SH3PXD2A: variants seen among roughly 807,000 people sequenced by gnomAD.
The protein encoded by SH3PXD2A is SH3 and PX domains 2A.
In SH3PXD2A, 32 loss-of-function variants were observed where a neutral mutation model predicts 115.2. The observed-to-expected ratio is 0.28, with a 90% CI of 0.21 to 0.37. The LOEUF is 0.37. Ranked by LOEUF, SH3PXD2A falls within the 10% of genes least tolerant of loss-of-function variation. SH3PXD2A has a pLI of 1.00. For missense variants in SH3PXD2A, 1,328 were observed against 1,498.7 expected (o/e 0.89, Z 1.88); for synonymous variants, 610 against 629.1 (o/e 0.97, Z 0.45).
At chr10:103,833,957 C>T (rs1167083461) in intron 1 of SH3PXD2A, among the ~76,000 whole-genome samples, 1 of 152,176 alleles carries the variant, frequency 6.6e-6, no homozygotes, top group East Asian at 1.9e-4. Flanking sequence ...CTCCCCCTCC[C>T]GGAAAGAGAG....
chr10:103,594,027 T>G lies in SH3PXD2A; in HGVS notation c.*7789A>C, dbSNP rs1433766178. On this transcript the variant is annotated 3_prime_UTR_variant, in exon 15 of 15. Transcript: ENST00000369774. ...CAGGGAGAATTAAGAGGTGATTCCGTTCGGTTAAAAAGGCCCAAAACTTTA... is the reference window on the plus strand; with the variant it reads ...CAGGGAGAATTAAGAGGTGATTCCGGTCGGTTAAAAAGGCCCAAAACTTTA... The G allele has an allele frequency of 6.6e-6, 1 of 152,524 alleles. No homozygotes were observed. The highest frequency in any genetic ancestry group is 1.5e-5 in the Non-Finnish European group (1 of 68,034). The allele number at this position is 152,524 out of a possible 1,614,324, so 9.4% of individuals were successfully genotyped here.
chr10:103,816,997 ATTTTTTTT>A (rs56260224), intron 1 of SH3PXD2A, among the ~76,000 whole-genome samples: 2 of 99,606 alleles, frequency 2.0e-5, no homozygotes, highest in South Asian at 4.0e-4. Flanking sequence ...CACCCGGCTA[ATTTTTTTT>A]TTTTTTTTTT....
chr10:103,829,222 C>T (rs1481639535), intron 1 of SH3PXD2A, among the ~76,000 whole-genome samples: 3 of 152,198 alleles, frequency 2.0e-5, no homozygotes, highest in Non-Finnish European at 4.4e-5. Flanking sequence ...GGGAGGCCAG[C>T]CCTGCAGACA....
At chr10:103,680,488 G>A (rs989933790) in intron 6 of SH3PXD2A, among the ~76,000 whole-genome samples, 1 of 151,648 alleles carries the variant, frequency 6.6e-6, no homozygotes, top group African/African-American at 2.4e-5. Flanking sequence ...GGTTGCCCAG[G>A]CTGGTCTCAA....
intron 2 of SH3PXD2A, among the ~76,000 whole-genome samples, chr10:103,777,928 G>C (rs2038895761): frequency 1.3e-5 from 2 of 152,172 alleles, no homozygotes; most frequent in African/African-American, 4.8e-5. Context: ...AGCAAGTGCT[G>C]CCAAATGCCA....
chr10:103,699,702 G>A (rs1295311464), intron 5 of SH3PXD2A, among the ~76,000 whole-genome samples: 1 of 152,202 alleles, frequency 6.6e-6, no homozygotes, highest in African/African-American at 2.4e-5. Context: ...GCAACCTCCA[G>A]GCAAGACAGA....
intron 5 of SH3PXD2A, among the ~76,000 whole-genome samples, chr10:103,719,335 TG>T (rs1329457737): frequency 2.6e-5 from 4 of 152,240 alleles, no homozygotes; most frequent in Non-Finnish European, 5.9e-5. Flanking sequence ...ACCGTAGGTC[TG>T]GGGCCAGCCA....
chr10:103,687,984 C>T (rs990244645), intron 6 of SH3PXD2A, among the ~76,000 whole-genome samples: 2 of 152,212 alleles, frequency 1.3e-5, no homozygotes, highest in Non-Finnish European at 2.9e-5. Flanking sequence ...TCACTTCCCT[C>T]CATCTAATAG....
chr10:103,798,130 AC>A (rs1340055293), intron 2 of SH3PXD2A, among the ~76,000 whole-genome samples: 3 of 152,098 alleles, frequency 2.0e-5, no homozygotes, highest in Non-Finnish European at 4.4e-5. Context: ...GAGGGGAAGT[AC>A]GGGGAGACCC....
At chr10:103,675,083 G>A (rs911704791) in intron 6 of SH3PXD2A, among the ~76,000 whole-genome samples, 1 of 152,186 alleles carries the variant, frequency 6.6e-6, no homozygotes, top group Non-Finnish European at 1.5e-5. Flanking sequence ...GAGTGCCCTT[G>A]CACTGGAGGG....
chr10:103,707,501 C>A (rs932988074), intron 5 of SH3PXD2A, among the ~76,000 whole-genome samples: 2 of 151,858 alleles, frequency 1.3e-5, no homozygotes, highest in African/African-American at 4.8e-5. Context: ...GGCTGTATTT[C>A]AATATTTTTA....
intron 6 of SH3PXD2A, among the ~76,000 whole-genome samples, chr10:103,687,482 C>T (rs1008476363): frequency 9.2e-5 from 14 of 152,110 alleles, no homozygotes; most frequent in South Asian, 8.3e-4. Context: ...CAGTTGTTTC[C>T]CAGCTCCCAC....
Position 103,784,653 on chromosome 10 carries a change from A to G in SH3PXD2A, c.153+16629T>C, listed in dbSNP as rs1464012473. Among the ~76,000 whole-genome samples the G allele has an allele frequency of 3.9e-5, 6 of 152,228 alleles. No individual in the cohort carries two copies. The highest frequency in any genetic ancestry group is 1.4e-4 in the African/African-American group (6 of 41,514). ...TGGCAGCGGCTGGCTGGAGGGCAGG[A>G]CAGTCCCAGTAAAAACTCGGGGGGT... On this transcript the variant is annotated intron_variant, in intron 2 of 14. Coordinates refer to ENST00000369774, the MANE Select transcript of SH3PXD2A (RefSeq NM_001394015.1). This position sits in a 1 kb window ranked among gnomAD's most constrained non-coding sequence, Gnocchi z 4.4.
intron 3 of SH3PXD2A, among the ~76,000 whole-genome samples, chr10:103,761,565 C>T (rs1169171957): frequency 6.6e-6 from 1 of 152,172 alleles, no homozygotes; most frequent in Non-Finnish European, 1.5e-5. Flanking sequence ...TTACTCTGTG[C>T]TGGTGAGTAA....
chr10:103,716,633 G>A (rs560361203), intron 5 of SH3PXD2A, among the ~76,000 whole-genome samples: 3 of 152,316 alleles, frequency 2.0e-5, no homozygotes, highest in East Asian at 1.9e-4. Context: ...GTGTCCCATC[G>A]TGGGTAAGAG....
At chr10:103,730,446 C>T (rs2038303581) in intron 4 of SH3PXD2A, among the ~76,000 whole-genome samples, 1 of 151,994 alleles carries the variant, frequency 6.6e-6, no homozygotes, top group South Asian at 2.1e-4. Context: ...TGCCTCTAAC[C>T]TGCTTGGACT....
intron 1 of SH3PXD2A, among the ~76,000 whole-genome samples, chr10:103,814,973 T>A (rs927347): frequency 6.6e-6 from 1 of 151,962 alleles, no homozygotes; most frequent in Non-Finnish European, 1.5e-5. Flanking sequence ...AGGCAAAGTG[T>A]GGCAGGCCAA....
chr10:103,800,621 A>G (rs1222857415), intron 2 of SH3PXD2A, among the ~76,000 whole-genome samples: 1 of 152,164 alleles, frequency 6.6e-6, no homozygotes, highest in Non-Finnish European at 1.5e-5. Context: ...CTTTGTGTCT[A>G]AGCCAGTGCA....
intron 1 of SH3PXD2A, among the ~76,000 whole-genome samples, chr10:103,814,616 A>G (rs2039305155): frequency 6.6e-6 from 1 of 152,150 alleles, no homozygotes; most frequent in South Asian, 2.1e-4. Context: ...ATGCTGGTAG[A>G]TCCCCTCCCA....
Sources: gnomAD v4.1 joint callset for allele counts (sites outside exome capture counted in the v4.1 genomes callset) on GRCh38, gnomAD v4.1.1 for gene constraint, Gnocchi (gnomAD v3.1) non-coding constraint, MANE v1.5 for transcripts, NCBI Gene and HGNC (gene_info 2026-07-23, HGNC 2026-07-21) for gene names.